Variants in CAMK4 observed in about 807,000 individuals in gnomAD.
CAMK4 encodes the protein calcium/calmodulin-dependent protein kinase type IV.
CAMK4 carries 22 observed loss-of-function variants against 44.9 expected under a neutral mutation model. The ratio of observed to expected loss-of-function variants is 0.49; its 90% CI spans 0.35 to 0.70. The LOEUF is 0.70. Ranked by LOEUF, CAMK4 falls within the 30% of genes least tolerant of loss-of-function variation. CAMK4 has a pLI of 0.01. For synonymous variants in CAMK4, 218 were observed against 215.4 expected, an observed-to-expected ratio of 1.01 and a Z score of -0.11; for missense variants, 498 against 586.8, an observed-to-expected ratio of 0.85 and a Z score of 1.56.
chr5:111,386,223 G>T (rs1467910440), intron 4 of CAMK4, among the ~76,000 whole-genome samples: 1 of 152,288 alleles, frequency 6.6e-6, no homozygotes, highest in East Asian at 1.9e-4. Context: ...TTTACACAGA[G>T]TACAGCAGAT....
intron 1 of CAMK4, among the ~76,000 whole-genome samples, chr5:111,238,082 G>C (rs1435380775): frequency 2.0e-5 from 3 of 152,184 alleles, no homozygotes; most frequent in Non-Finnish European, 2.9e-5. Flanking sequence ...GGGAAGCAGA[G>C]AGGCAGACAC....
At chr5:111,475,721 A>G (rs766656540) in intron 8 of CAMK4, among the ~76,000 whole-genome samples, 2 of 152,126 alleles carry the variant, frequency 1.3e-5, no homozygotes, top group East Asian at 1.9e-4. Flanking sequence ...AAGCCTGAGG[A>G]CGTTTTATTT....
At chr5:111,443,313 C>T (rs1479449249) in intron 5 of CAMK4, among the ~76,000 whole-genome samples, 54 of 116,588 alleles carry the variant, frequency 4.6e-4, no homozygotes, top group African/African-American at 1.4e-3. Context: ...CACACACACA[C>T]ACTATATATA....
chr5:111,231,025 G>T (rs1425403948), intron 1 of CAMK4, among the ~76,000 whole-genome samples: 1 of 152,034 alleles, frequency 6.6e-6, no homozygotes, highest in Non-Finnish European at 1.5e-5. Context: ...AAATTATATT[G>T]ATCTTTACCT....
intron 2 of CAMK4, among the ~76,000 whole-genome samples, chr5:111,364,165 A>T (rs1230317299): frequency 1.3e-5 from 2 of 149,626 alleles, no homozygotes; most frequent in Non-Finnish European, 3.0e-5. Context: ...GTGGGAGGGG[A>T]TGGTAAGGGA....
chr5:111,256,357 T>C (rs1435154581), intron 1 of CAMK4, among the ~76,000 whole-genome samples: 1 of 152,156 alleles, frequency 6.6e-6, no homozygotes, highest in Non-Finnish European at 1.5e-5. Context: ...AATAGTTTTG[T>C]ATCTTGGTTG....
intron 1 of CAMK4, among the ~76,000 whole-genome samples, chr5:111,252,285 C>T (rs1707026890): frequency 6.6e-6 from 1 of 152,188 alleles, no homozygotes; most frequent in Non-Finnish European, 1.5e-5. Context: ...GTAGTATCAT[C>T]CGTGCCTAGA....
rs546021466 is a variant in CAMK4 at position 111,285,315 on chromosome 5, G to A, written c.162-58709G>A. ...CCTTGTGTATTATTATGAATCCTAC[G>A]AAATTTATGGTTTTATAGATTCCAA... On this transcript the variant is annotated intron_variant, in intron 1 of 10. Transcript: ENST00000282356. 1.1e-4 allele frequency among the ~76,000 whole-genome samples: 17 copies of A among 152,284 alleles called. 1 individual carries two copies. In the South Asian group the frequency reaches 2.5e-3, roughly 22 times the overall value.
chr5:111,441,708 ATACCCAGT>A (rs1753828794), intron 5 of CAMK4, among the ~76,000 whole-genome samples: 1 of 152,174 alleles, frequency 6.6e-6, no homozygotes, highest in African/African-American at 2.4e-5. Context: ...TTATTCTAGA[ATACCCAGT>A]TACCATGTTT....
intron 1 of CAMK4, among the ~76,000 whole-genome samples, chr5:111,277,053 C>G (rs1750791988): frequency 1.3e-5 from 2 of 152,260 alleles, no homozygotes; most frequent in African/African-American, 4.8e-5. Flanking sequence ...ATTTCCATTT[C>G]TCAGGAGGTG....
At chr5:111,418,712 G>C (rs1752907136) in intron 5 of CAMK4, among the ~76,000 whole-genome samples, 1 of 151,528 alleles carries the variant, frequency 6.6e-6, no homozygotes, top group Admixed American at 6.6e-5. Context: ...TTGTCCTTGT[G>C]ATAGTTTACT....
intron 5 of CAMK4, among the ~76,000 whole-genome samples, chr5:111,407,737 G>T (rs1225507319): frequency 6.6e-6 from 1 of 152,132 alleles, no homozygotes; most frequent in Non-Finnish European, 1.5e-5. Context: ...ACCCACAATG[G>T]CCTCCCTCAG....
At position 111,236,383 on chromosome 5, in the gene CAMK4, G is replaced by A. The variant is rs185694746; in HGVS notation, c.161+11739G>A. Among the ~76,000 whole-genome samples the A allele has an allele frequency of 1.3e-4, 20 of 152,308 alleles. 1 individual carries two copies. The East Asian group carries it at 1.4e-3, about 10-fold the overall frequency. On this transcript the variant is annotated intron_variant, in intron 1 of 10. Coordinates refer to ENST00000282356, the MANE Select transcript of CAMK4 (RefSeq NM_001744.6). The stretch of plus-strand genomic sequence containing the variant: ...GTGTGATTATACTGTCTTTAAGTAC[G>A]TTGCTAGTTAGTTCGAGAATACTAC...
chr5:111,286,145 G>A (rs1751231559), intron 1 of CAMK4, among the ~76,000 whole-genome samples: 2 of 152,206 alleles, frequency 1.3e-5, no homozygotes, highest in Non-Finnish European at 2.9e-5. Context: ...AATAGTGAGA[G>A]CAACATTTAA....
chr5:111,395,438 T>A (rs758308968), intron 5 of CAMK4, among the ~76,000 whole-genome samples: 1 of 151,428 alleles, frequency 6.6e-6, no homozygotes, highest in African/African-American at 2.4e-5. Flanking sequence ...TTCTTGAGTT[T>A]GTTTGTTCAT....
In CAMK4 at chr5:111,454,546, A is replaced by C. The variant is rs553948528; in HGVS notation, c.625+5343A>C. 1.3e-4 allele frequency among the ~76,000 whole-genome samples: 20 copies of C among 152,002 alleles called. No homozygotes were observed. In the South Asian group the frequency reaches 2.5e-3, roughly 19 times the overall value. ...AAAATTAAAATTTATGGTCCAGATAAGTGAAATCAATGATTAGTGTTCAAA... is the reference window on the plus strand; with the variant it reads ...AAAATTAAAATTTATGGTCCAGATACGTGAAATCAATGATTAGTGTTCAAA... On this transcript the variant is annotated intron_variant, in intron 7 of 10. Coordinates refer to ENST00000282356, the MANE Select transcript of CAMK4 (RefSeq NM_001744.6).
intron 5 of CAMK4, among the ~76,000 whole-genome samples, chr5:111,434,428 G>C (rs376657556): frequency 1.3e-5 from 2 of 152,140 alleles, no homozygotes; most frequent in Non-Finnish European, 2.9e-5. Flanking sequence ...AGGCCGGTGA[G>C]GAAAAAGGAG....
In CAMK4 at chr5:111,413,959, A is replaced by G. The variant is rs1253234023; in HGVS notation, c.459+19177A>G. Among the ~76,000 whole-genome samples the G allele has an allele frequency of 3.3e-5, 5 of 152,044 alleles. No homozygotes were observed. In the East Asian group the frequency reaches 9.7e-4, roughly 29 times the overall value. On this transcript the variant is annotated intron_variant, in intron 5 of 10. Coordinates refer to ENST00000282356, the MANE Select transcript of CAMK4 (RefSeq NM_001744.6). Reference sequence around the variant, plus strand: ...ATTAGAAATTTAAATATAAATCTATATATATAGATAACTATTATAATGGTC... The same window carrying G: ...ATTAGAAATTTAAATATAAATCTATGTATATAGATAACTATTATAATGGTC...
chr5:111,292,041 C>G (rs1747287761), intron 1 of CAMK4, among the ~76,000 whole-genome samples: 1 of 152,142 alleles, frequency 6.6e-6, no homozygotes, highest in Non-Finnish European at 1.5e-5. Flanking sequence ...ACATCCTGCA[C>G]CAAAATCAGT....
Sources: allele counts gnomAD v4.1 joint callset (sites outside exome capture counted in the v4.1 genomes callset), GRCh38; gene constraint gnomAD v4.1.1; transcripts MANE v1.5; gene names NCBI Gene and HGNC (gene_info 2026-07-23, HGNC 2026-07-21).